Variants in FYN observed in about 807,000 individuals in gnomAD.
FYN encodes the protein tyrosine-protein kinase Fyn.
In FYN, 10 loss-of-function variants were observed where a neutral mutation model predicts 70.2. That is an observed-to-expected ratio of 0.14 (90% CI 0.09 to 0.24). The LOEUF (loss-of-function observed/expected upper bound fraction) is 0.24, where lower values mean the gene tolerates loss of function less well. FYN is among the 10% of genes least tolerant of loss of function. FYN has a pLI of 1.00. For missense variants in FYN, 319 were observed against 673.1 expected, an observed-to-expected ratio of 0.47 and a Z score of 5.82; for synonymous variants, 236 against 248.6, an observed-to-expected ratio of 0.95 and a Z score of 0.48.
chr6:111,683,569 A>G (rs1798863587), intron 12 of FYN, among the ~76,000 whole-genome samples: 1 of 152,240 alleles, frequency 6.6e-6, no homozygotes, highest in Admixed American at 6.5e-5. Flanking sequence ...ATTTTCAAGG[A>G]GGAAACCCAT....
chr6:111,734,665 G>A (rs1248872984), intron 3 of FYN, among the ~76,000 whole-genome samples: 1 of 115,564 alleles, frequency 8.7e-6, no homozygotes, highest in Non-Finnish European at 1.6e-5. Flanking sequence ...GATGAAGTTA[G>A]AAGAAAACAA....
At chr6:111,869,906 T>G (rs566690277) in intron 1 of FYN, among the ~76,000 whole-genome samples, 1 of 152,356 alleles carries the variant, frequency 6.6e-6, no homozygotes, top group East Asian at 1.9e-4. Context: ...GTAAGATTTT[T>G]GAAACATGCT....
intron 2 of FYN, among the ~76,000 whole-genome samples, chr6:111,812,262 T>C (rs1772349057): frequency 1.3e-5 from 2 of 152,192 alleles, no homozygotes. Flanking sequence ...ACAAGGCCTC[T>C]GGGAGGAGGC....
intron 2 of FYN, chr6:111,844,667 C>T (rs1773466040): frequency 6.6e-6 from 1 of 152,208 alleles, no homozygotes; most frequent in Non-Finnish European, 1.5e-5. Context: ...TTCTCTTAAT[C>T]TGGATTCCCT....
intron 1 of FYN, among the ~76,000 whole-genome samples, 168 bp downstream of exon 1, chr6:111,872,800 G>T (rs1175655379): frequency 6.6e-6 from 1 of 151,686 alleles, no homozygotes; most frequent in East Asian, 2.0e-4. Context: ...GCAACCGCGG[G>T]AAGACCCCAA....
chr6:111,846,549 C>T, intron 2 of FYN, 40 bp downstream of exon 2: 1 of 398,886 alleles, frequency 2.5e-6, no homozygotes, highest in East Asian at 3.6e-5. Context: ...CTTTATAATT[C>T]ACAAGGCACT....
intron 13 of FYN, among the ~76,000 whole-genome samples, chr6:111,669,165 T>C (rs1798142832): frequency 1.3e-5 from 2 of 152,124 alleles, no homozygotes; most frequent in South Asian, 4.1e-4. Flanking sequence ...CCTGGTGCAG[T>C]GGCTCACACC....
At chr6:111,714,238 G>C (rs1800517008) in intron 5 of FYN, 109 bp downstream of exon 5, 1 of 706,816 alleles carries the variant, frequency 1.4e-6, no homozygotes, top group African/African-American at 1.8e-5. Context: ...AGTGAATTTA[G>C]CAAATGTTCT....
intron 3 of FYN, among the ~76,000 whole-genome samples, chr6:111,760,672 C>T (rs987199731): frequency 6.6e-6 from 1 of 152,198 alleles, no homozygotes; most frequent in Admixed American, 6.5e-5. Flanking sequence ...GGGAGTTGCA[C>T]GGAGCCCAGG....
At chr6:111,716,679 T>C (rs1800657570) in intron 4 of FYN, among the ~76,000 whole-genome samples, 1 of 151,534 alleles carries the variant, frequency 6.6e-6, no homozygotes, top group South Asian at 2.1e-4. Context: ...TTAAACATCA[T>C]ATAGTAGATA....
intron 1 of FYN, among the ~76,000 whole-genome samples, chr6:111,866,799 T>C (rs1034574594): frequency 3.3e-5 from 5 of 152,242 alleles, no homozygotes; most frequent in African/African-American, 7.2e-5. Context: ...TAAGATTCCA[T>C]GGCCTGTGCC....
Position 111,846,790 on chromosome 6 carries a change from T to C in FYN, c.-122-161A>G, listed in dbSNP as rs571847111. ...TCACACAATTGTTGCTAAGTCACAG[T>C]TGCCACAAACACCTGTCTGAAACTG... On this transcript the variant is annotated intron_variant, in intron 1 of 13. Coordinates refer to ENST00000354650, the MANE Select transcript of FYN (RefSeq NM_002037.5). Among the ~76,000 whole-genome samples the C allele has an allele frequency of 2.6e-5, 4 of 152,326 alleles. 1 individual carries two copies. The East Asian group carries it at 7.7e-4, about 29-fold the overall frequency.
At chr6:111,799,992 G>A (rs748011049) in intron 2 of FYN, among the ~76,000 whole-genome samples, 20 of 152,160 alleles carry the variant, frequency 1.3e-4, no homozygotes, top group African/African-American at 1.9e-4. Flanking sequence ...GGTTTATTCC[G>A]AAGGACACGA....
chr6:111,869,552 G>A lies in FYN; in HGVS notation c.-123+3416C>T, dbSNP rs138033862. Among the ~76,000 whole-genome samples, 252 of 152,218 alleles carry A rather than the reference G, an allele frequency of 1.7e-3. 2 individuals are homozygous for A. Among genetic ancestry groups the A allele is most frequent in the African/African-American group, 5.9e-3 (246 of 41,514 alleles). On this transcript the variant is annotated intron_variant, in intron 1 of 13. Coordinates refer to ENST00000354650, the MANE Select transcript of FYN (RefSeq NM_002037.5). ...ACCACAGATGCATGCTACCATGCCT[G>A]GATAGTTTTTAAAAGATTTTTCGTG...
intron 2 of FYN, among the ~76,000 whole-genome samples, chr6:111,825,527 A>G (rs1772805188): frequency 6.6e-6 from 1 of 152,218 alleles, no homozygotes; most frequent in Admixed American, 6.5e-5. Flanking sequence ...GATTTCTGTG[A>G]GCATTAAATT....
At chr6:111,777,147 GAGTCTTGTTTTTATCTTT>G (rs1770980081) in intron 3 of FYN, among the ~76,000 whole-genome samples, 1 of 152,200 alleles carries the variant, frequency 6.6e-6, no homozygotes, top group African/African-American at 2.4e-5. Flanking sequence ...CATGTTGTGT[GAGTCTTGTTTTTATCTTT>G]AGTTGACCGT....
rs77034273 is a variant in FYN, at chr6:111,845,650, C to A, written c.-82+939G>T. ...GCACTCAAATCAAGATGAGAAATAA[C>A]CCCAAGTCATTCTCAGATGATGAAG... On this transcript the variant is annotated intron_variant, in intron 2 of 13. Transcript: ENST00000354650. 6.0e-3 allele frequency among the ~76,000 whole-genome samples: 908 copies of A among 152,314 alleles called. 2 individuals are homozygous for A. Among genetic ancestry groups the A allele is most frequent in the Non-Finnish European group, 9.1e-3 (620 of 68,034 alleles).
At chr6:111,781,068 G>A (rs1203042547) in intron 2 of FYN, 2 of 152,012 alleles carry the variant, frequency 1.3e-5, no homozygotes, top group South Asian at 2.1e-4. Context: ...TTCTTTTCTA[G>A]GCTTTATTAT....
chr6:111,788,201 G>A (rs780396615), intron 2 of FYN, among the ~76,000 whole-genome samples: 3 of 152,056 alleles, frequency 2.0e-5, no homozygotes, highest in Non-Finnish European at 2.9e-5. Flanking sequence ...AACTTTTCAC[G>A]CTATCTGCTG....
Sources: allele counts gnomAD v4.1 joint callset (sites outside exome capture counted in the v4.1 genomes callset), GRCh38; gene constraint gnomAD v4.1.1; transcripts MANE v1.5; gene names NCBI Gene and HGNC (gene_info 2026-07-23, HGNC 2026-07-21).